Variants in KCNG3 observed in about 807,000 individuals in gnomAD.
KCNG3 encodes the protein voltage-gated potassium channel regulatory subunit KCNG3.
KCNG3 carries 15 observed loss-of-function variants against 29.0 expected under a neutral mutation model. The ratio of observed to expected loss-of-function variants is 0.52; its 90% confidence interval spans 0.35 to 0.80. KCNG3 has a LOEUF of 0.80. KCNG3 is among the 30% of genes least tolerant of loss of function. KCNG3 has a pLI of 0.01. For missense variants in KCNG3, 512 were observed against 605.7 expected (o/e 0.85, Z 1.62); for synonymous variants, 322 against 248.9 (o/e 1.29, Z -2.76).
In KCNG3 at chr2:42,444,003, C is replaced by T. The variant is rs1013195882; in HGVS notation, c.1242G>A (p.Gln414=). 2 of 1,614,084 alleles carry T rather than the reference C, an allele frequency of 1.2e-6. No individual in the cohort carries two copies. Among genetic ancestry groups the T allele is most frequent in the Admixed American group, 1.7e-5 (1 of 60,004 alleles). Residue 414 remains glutamine, a synonymous_variant, in exon 2 of 2, where the codon CAG becomes CAA. Transcript: ENST00000306078. This position sits in a 1 kb window ranked among gnomAD's most constrained non-coding sequence, Gnocchi z 5.8. ...PITFIYHSFV[Q]CYHELKFRSA... Reference sequence around the variant, plus strand: ...ATCTAAACTTGAGCTCATGATAACACTGCACAAAGCTATGGTAGATAAAAG... The same window carrying T: ...ATCTAAACTTGAGCTCATGATAACATTGCACAAAGCTATGGTAGATAAAAG...
chr2:42,477,942 C>A (rs984986986), intron 1 of KCNG3, among the ~76,000 whole-genome samples: 2 of 151,954 alleles, frequency 1.3e-5, no homozygotes, highest in Non-Finnish European at 2.9e-5. Context: ...GTTTTATACC[C>A]TGACACAACG....
At chr2:42,406,445 C>T in the KCNG3 span, among the ~76,000 whole-genome samples, 1 of 151,066 alleles carries the variant, frequency 6.6e-6, no homozygotes. Context: ...TCTTGAACTC[C>T]TGACCTCAGG....
chr2:42,470,448 A>C (rs12467253), intron 1 of KCNG3, among the ~76,000 whole-genome samples: 130,256 of 151,976 alleles, frequency 0.86, 55,806 homozygotes, highest in Middle Eastern at 0.95. Context: ...TACAGGAGGA[A>C]TGCAGGAGTT....
At chr2:42,484,333 A>G (rs1412211065) in intron 1 of KCNG3, among the ~76,000 whole-genome samples, 1 of 152,116 alleles carries the variant, frequency 6.6e-6, no homozygotes, top group Non-Finnish European at 1.5e-5. Flanking sequence ...ATGGTGGTGC[A>G]CACCTGTAGT....
intron 1 of KCNG3, among the ~76,000 whole-genome samples, chr2:42,461,150 G>C (rs1208309525): frequency 8.7e-6 from 1 of 115,092 alleles, no homozygotes. Context: ...GACACAGCAA[G>C]ACTCTGTCTC....
chr2:42,449,790 G>C (rs1471368135), intron 1 of KCNG3, among the ~76,000 whole-genome samples: 1 of 152,104 alleles, frequency 6.6e-6, no homozygotes, highest in Non-Finnish European at 1.5e-5. Context: ...GTAGTAAACT[G>C]GTAAATATGG....
the KCNG3 span, among the ~76,000 whole-genome samples, chr2:42,429,098 G>C: frequency 1.3e-5 from 2 of 151,880 alleles, no homozygotes; most frequent in East Asian, 1.9e-4. Flanking sequence ...CAGCCTGGGT[G>C]ACAGAGCAAG....
At chr2:42,478,053 G>A (rs1188665474) in intron 1 of KCNG3, among the ~76,000 whole-genome samples, 5 of 152,042 alleles carry the variant, frequency 3.3e-5, no homozygotes, top group South Asian at 2.1e-4. Flanking sequence ...CCACAGGCAC[G>A]TTCTCAGGCC....
chr2:42,452,243 A>ATATATATATATATATATATATATATT, intron 1 of KCNG3, among the ~76,000 whole-genome samples: 4 of 95,048 alleles, frequency 4.2e-5, no homozygotes, highest in African/African-American at 1.6e-4. Context: ...ATATATATAT[A>ATATATATATATATATATATATATATT]TTTTTTTTTT....
At chr2:42,487,090 G>A (rs2103738729) in intron 1 of KCNG3, among the ~76,000 whole-genome samples, 1 of 148,910 alleles carries the variant, frequency 6.7e-6, no homozygotes, top group Non-Finnish European at 1.5e-5. Context: ...CCAGGAGGCA[G>A]AGGTTGCAGT....
rs371598444 is a variant in KCNG3 at position 42,454,278 on chromosome 2, T to A, written c.666-9699A>T. Reference sequence around the variant, plus strand: ...ATATCCAAAAAAATTGAAAGCAGGGTCTTAAAGAAATATTTGCACACCCAC... The same window carrying A: ...ATATCCAAAAAAATTGAAAGCAGGGACTTAAAGAAATATTTGCACACCCAC... On this transcript the variant is annotated intron_variant, in intron 1 of 1. Coordinates refer to ENST00000306078, the MANE Select transcript of KCNG3 (RefSeq NM_133329.6). Among the ~76,000 whole-genome samples the A allele has an allele frequency of 5.9e-5, 9 of 151,980 alleles. No homozygotes were observed. The East Asian group carries it at 1.2e-3, about 19-fold the overall frequency.
Position 42,443,648 on chromosome 2 carries a change from T to C in KCNG3, c.*286A>G. The stretch of plus-strand genomic sequence containing the variant: ...TTTCTGTTTTAAAATGTTCAAATAA[T>C]GTATTTTTTAAAAATGTGTAATCAT... On this transcript the variant is annotated 3_prime_UTR_variant, in exon 2 of 2. Transcript: ENST00000306078. 1 of 285,036 alleles carries C rather than the reference T, an allele frequency of 3.5e-6. No individual in the cohort carries two copies. Among genetic ancestry groups the C allele is most frequent in the Non-Finnish European group, 6.5e-6 (1 of 154,496 alleles). 17.7% of individuals were successfully genotyped at this position (285,036 alleles called of 1,614,324 possible).
At chr2:42,393,470 A>C in the KCNG3 span, among the ~76,000 whole-genome samples, 1 of 152,046 alleles carries the variant, frequency 6.6e-6, no homozygotes, top group South Asian at 2.1e-4. Context: ...CTGAGGCAGG[A>C]GAACTGATTA....
At chr2:42,400,829 C>T in the KCNG3 span, among the ~76,000 whole-genome samples, 1 of 151,778 alleles carries the variant, frequency 6.6e-6, no homozygotes, top group African/African-American at 2.4e-5. Context: ...AACCAACCCA[C>T]TGAAATTTTT....
the KCNG3 span, among the ~76,000 whole-genome samples, chr2:42,415,760 A>G: frequency 0.015 from 2,330 of 151,864 alleles, 61 homozygotes; most frequent in African/African-American, 0.053. Flanking sequence ...AAAACAAAAA[A>G]CCCTACTTGG....
At chr2:42,455,785 T>A (rs1375804181) in intron 1 of KCNG3, among the ~76,000 whole-genome samples, 1 of 151,358 alleles carries the variant, frequency 6.6e-6, no homozygotes, top group Non-Finnish European at 1.5e-5. Context: ...AAAATAAAAA[T>A]TAAAAATTAA....
chr2:42,414,311 A>T, the KCNG3 span, among the ~76,000 whole-genome samples: 2 of 152,062 alleles, frequency 1.3e-5, no homozygotes, highest in African/African-American at 2.4e-5. Flanking sequence ...TATTATGCAC[A>T]CTCTACTGAC....
intron 1 of KCNG3, among the ~76,000 whole-genome samples, chr2:42,466,689 T>G (rs943528082): frequency 2.0e-5 from 3 of 151,520 alleles, no homozygotes; most frequent in African/African-American, 7.3e-5. Context: ...AATGGTAGAC[T>G]GGTACAAAAG....
At chr2:42,455,611 T>A (rs938017084) in intron 1 of KCNG3, among the ~76,000 whole-genome samples, 2 of 151,920 alleles carry the variant, frequency 1.3e-5, no homozygotes, top group African/African-American at 4.8e-5. Flanking sequence ...TTACTAAAAA[T>A]TTTCAAAAAA....
Sources: gnomAD v4.1 joint callset for allele counts (sites outside exome capture counted in the v4.1 genomes callset) on GRCh38, gnomAD v4.1.1 for gene constraint, Gnocchi (gnomAD v3.1) non-coding constraint, MANE v1.5 for transcripts, NCBI Gene and HGNC (gene_info 2026-07-23, HGNC 2026-07-21) for gene names.